The following HSD17B12 variants were observed in gnomAD, a reference collection of about 807,000 sequenced individuals.
The protein encoded by HSD17B12 is very-long-chain 3-oxoacyl-CoA reductase.
A neutral mutation model predicts 39.3 loss-of-function variants in HSD17B12; 32 were observed. The ratio of observed to expected loss-of-function variants is 0.81; its 90% CI spans 0.61 to 1.09. HSD17B12 has a LOEUF of 1.09. Ranked by LOEUF, HSD17B12 falls within the 50% of genes least tolerant of loss-of-function variation. The probability of loss-of-function intolerance (pLI) is 0.00; values close to 1 mark genes in which losing one functional copy is unlikely to be tolerated. For missense variants in HSD17B12, 342 were observed against 382.9 expected (o/e 0.89, Z 0.89); for synonymous variants, 150 against 146.7 (o/e 1.02, Z -0.16).
intron 3 of HSD17B12, among the ~76,000 whole-genome samples, chr11:43,759,224 G>C (rs1374233138): frequency 6.6e-6 from 1 of 152,106 alleles, no homozygotes; most frequent in Non-Finnish European, 1.5e-5. Flanking sequence ...TTCGAAATCT[G>C]TCATCATATA....
At chr11:43,600,649 G>A in the HSD17B12 span, among the ~76,000 whole-genome samples, 1 of 152,046 alleles carries the variant, frequency 6.6e-6, no homozygotes, top group African/African-American at 2.4e-5. Context: ...GGCAGATTCA[G>A]TTCTACCTGG....
At chr11:43,830,452 G>C (rs979206538) in intron 6 of HSD17B12, 1 of 152,208 alleles carries the variant, frequency 6.6e-6, no homozygotes, top group African/African-American at 2.4e-5. Flanking sequence ...CTTTAAGGAT[G>C]AGTTTTACTT....
At chr11:43,791,132 G>A (rs1182187111) in intron 3 of HSD17B12, among the ~76,000 whole-genome samples, 1 of 152,238 alleles carries the variant, frequency 6.6e-6, no homozygotes, top group African/African-American at 2.4e-5. Flanking sequence ...AGTTGAGTTG[G>A]CACTCAAGTG....
chr11:43,592,702 C>A, the HSD17B12 span, among the ~76,000 whole-genome samples: 22 of 152,160 alleles, frequency 1.4e-4, no homozygotes, highest in East Asian at 4.1e-3. Context: ...ATACACGGGT[C>A]TTTTTCCATC....
intron 3 of HSD17B12, among the ~76,000 whole-genome samples, chr11:43,781,320 A>C (rs964545899): frequency 6.6e-6 from 1 of 152,228 alleles, no homozygotes; most frequent in African/African-American, 2.4e-5. Flanking sequence ...TGAAATCATT[A>C]AAAATGTTTG....
chr11:43,760,306 C>G (rs1950545036), intron 3 of HSD17B12, among the ~76,000 whole-genome samples: 1 of 152,078 alleles, frequency 6.6e-6, no homozygotes, highest in Non-Finnish European at 1.5e-5. Flanking sequence ...CACCTTGGCC[C>G]CCCAAAGTGC....
chr11:43,781,438 A>T (rs983112159), intron 3 of HSD17B12, among the ~76,000 whole-genome samples: 1 of 152,140 alleles, frequency 6.6e-6, no homozygotes, highest in African/African-American at 2.4e-5. Flanking sequence ...AAAAGAATAC[A>T]CCACATTCAC....
chr11:43,659,158 G>A, the HSD17B12 span, among the ~76,000 whole-genome samples: 1 of 152,224 alleles, frequency 6.6e-6, no homozygotes, highest in Non-Finnish European at 1.5e-5. Flanking sequence ...TGCTAGCAAT[G>A]AGCAAGGCTC....
intron 4 of HSD17B12, among the ~76,000 whole-genome samples, chr11:43,799,853 G>A (rs1950949687): frequency 1.3e-5 from 2 of 152,156 alleles, no homozygotes; most frequent in South Asian, 4.2e-4. Context: ...TAGTACTGTT[G>A]CACCTGGCTT....
upstream of HSD17B12, among the ~76,000 whole-genome samples, chr11:43,679,365 AG>A (rs1949719818): frequency 6.6e-6 from 1 of 152,192 alleles, no homozygotes; most frequent in African/African-American, 2.4e-5. Context: ...GGCAGGAGAA[AG>A]AAATAAAGAG....
chr11:43,713,470 A>G (rs1950089905), intron 1 of HSD17B12, among the ~76,000 whole-genome samples: 1 of 151,862 alleles, frequency 6.6e-6, no homozygotes, highest in African/African-American at 2.4e-5. Context: ...ATCCTTTTTT[A>G]TGGCTGCATA....
intron 1 of HSD17B12, among the ~76,000 whole-genome samples, chr11:43,691,785 C>T (rs1949865385): frequency 6.6e-6 from 1 of 152,226 alleles, no homozygotes; most frequent in African/African-American, 2.4e-5. Context: ...TGGATGACGT[C>T]CTGTGTCCCA....
At chr11:43,787,736 C>CG (rs1554967745) in intron 3 of HSD17B12, among the ~76,000 whole-genome samples, 5 of 118,538 alleles carry the variant, frequency 4.2e-5, no homozygotes, top group Non-Finnish European at 9.3e-5. Context: ...GACTCCGTCT[C>CG]GGAAAAAAAA....
intron 1 of HSD17B12, among the ~76,000 whole-genome samples, chr11:43,742,218 T>G (rs1950374352): frequency 2.7e-5 from 4 of 150,176 alleles, no homozygotes; most frequent in African/African-American, 9.8e-5. Context: ...ACTCACTTCA[T>G]CCTCAACTTC....
At chr11:43,753,886 T>G (rs1236051503) in intron 2 of HSD17B12, among the ~76,000 whole-genome samples, 160 bp from the exon 3 acceptor site, 1 of 152,176 alleles carries the variant, frequency 6.6e-6, no homozygotes, top group Non-Finnish European at 1.5e-5. Context: ...TTTGGGGCAT[T>G]TTTTTGGTAA....
intron 1 of HSD17B12, among the ~76,000 whole-genome samples, chr11:43,731,878 T>G (rs1014229509): frequency 2.0e-5 from 3 of 152,196 alleles, no homozygotes; most frequent in South Asian, 2.1e-4. Flanking sequence ...ATGGCAGCAT[T>G]AGCATGATCT....
chr11:43,851,354 AAT>A (rs1179318021), intron 9 of HSD17B12, among the ~76,000 whole-genome samples: 2 of 152,222 alleles, frequency 1.3e-5, no homozygotes, highest in African/African-American at 2.4e-5. Flanking sequence ...TGTTTCCCAT[AAT>A]GTTTTCCTGA....
chr11:43,627,603 T>C, the HSD17B12 span, among the ~76,000 whole-genome samples: 1 of 152,018 alleles, frequency 6.6e-6, no homozygotes, highest in African/African-American at 2.4e-5. Flanking sequence ...TTTTCAGTTC[T>C]TTTAAATGGT....
chr11:43,616,294 G>T, the HSD17B12 span, among the ~76,000 whole-genome samples: 6 of 151,812 alleles, frequency 4.0e-5, no homozygotes, highest in South Asian at 1.2e-3. Context: ...TGTCATCCCA[G>T]CTACTCTGGA....
Sources: gnomAD v4.1 joint callset for allele counts (sites outside exome capture counted in the v4.1 genomes callset) on GRCh38, gnomAD v4.1.1 for gene constraint, MANE v1.5 for transcripts, NCBI Gene and HGNC (gene_info 2026-07-23, HGNC 2026-07-21) for gene names.